Variants in COMMD10 observed in about 807,000 individuals in gnomAD.
The protein encoded by COMMD10 is COMM domain-containing protein 10.
In COMMD10, 33 loss-of-function variants were observed where a neutral mutation model predicts 28.9. That is an observed-to-expected ratio of 1.14 (90% CI 0.87 to 1.53). The LOEUF is 1.53. Ranked by LOEUF, COMMD10 falls within the 40% of genes most tolerant of loss-of-function variation. The pLI is 0.00. For missense variants in COMMD10, 310 were observed against 233.4 expected (o/e 1.33, Z -2.14); for synonymous variants, 110 against 81.7 (o/e 1.35, Z -1.87).
chr5:116,253,641 T>C (rs1297834428), intron 5 of COMMD10, among the ~76,000 whole-genome samples: 9 of 144,586 alleles, frequency 6.2e-5, no homozygotes, highest in African/African-American at 1.3e-4. Flanking sequence ...ATCCCAGGGA[T>C]GAAGCCCACT....
chr5:116,131,745 C>G (rs893022333), intron 4 of COMMD10, among the ~76,000 whole-genome samples: 1 of 151,776 alleles, frequency 6.6e-6, no homozygotes, highest in African/African-American at 2.4e-5. Flanking sequence ...TTGCAATACA[C>G]TGATCTAAAT....
chr5:116,277,852 G>T (rs572721095), intron 5 of COMMD10, among the ~76,000 whole-genome samples: 1 of 151,772 alleles, frequency 6.6e-6, no homozygotes, highest in Non-Finnish European at 1.5e-5. Flanking sequence ...ATTACATTAG[G>T]TTATTTCATT....
chr5:116,276,034 C>A (rs1317522908), intron 5 of COMMD10, among the ~76,000 whole-genome samples: 1 of 150,948 alleles, frequency 6.6e-6, no homozygotes, highest in Non-Finnish European at 1.5e-5. Context: ...GTAAAATGAT[C>A]GTAAGTACTA....
chr5:116,113,547 T>A (rs1245207350), intron 4 of COMMD10, among the ~76,000 whole-genome samples: 1 of 151,948 alleles, frequency 6.6e-6, no homozygotes, highest in Non-Finnish European at 1.5e-5. Flanking sequence ...TGTCTTCATG[T>A]TCTGAAATCT....
At chr5:116,265,985 G>A (rs570796841) in intron 5 of COMMD10, among the ~76,000 whole-genome samples, 3 of 151,922 alleles carry the variant, frequency 2.0e-5, no homozygotes, top group South Asian at 2.1e-4. Flanking sequence ...GTTAGGTGCT[G>A]CATTACTGGC....
chr5:116,185,418 A>G (rs1253444724), intron 5 of COMMD10, among the ~76,000 whole-genome samples: 1 of 152,130 alleles, frequency 6.6e-6, no homozygotes, highest in Non-Finnish European at 1.5e-5. Flanking sequence ...TGATTGAACA[A>G]AGGGGTCTGT....
chr5:116,088,201 A>G (rs567660437), intron 2 of COMMD10, among the ~76,000 whole-genome samples: 1 of 152,202 alleles, frequency 6.6e-6, no homozygotes, highest in Non-Finnish European at 1.5e-5. Flanking sequence ...GTGCAGTGCC[A>G]TGTATCACCA....
chr5:116,247,863 C>A (rs1749994071), intron 5 of COMMD10, among the ~76,000 whole-genome samples: 4 of 151,674 alleles, frequency 2.6e-5, no homozygotes, highest in Admixed American at 2.6e-4. Flanking sequence ...CTAATGGATA[C>A]TAGGCTTAAT....
At chr5:116,129,773 T>A (rs920472499) in intron 4 of COMMD10, among the ~76,000 whole-genome samples, 1 of 93,808 alleles carries the variant, frequency 1.1e-5, no homozygotes, top group Non-Finnish European at 2.8e-5. Context: ...CTATATAATA[T>A]ACATTAGTAT....
At chr5:116,227,094 C>T (rs934281139) in intron 5 of COMMD10, among the ~76,000 whole-genome samples, 1 of 152,002 alleles carries the variant, frequency 6.6e-6, no homozygotes, top group East Asian at 1.9e-4. Flanking sequence ...AAAGCAGGGT[C>T]TGTATCTATC....
chr5:116,159,462 A>G lies in COMMD10; in HGVS notation c.510+25284A>G, dbSNP rs77272278. ...AGGCCTTTCCTGAACATACATTGCA[A>G]ATACTTGCAGTGTCCCTCCTGTCAC... On this transcript the variant is annotated intron_variant, in intron 5 of 6. Coordinates refer to ENST00000274458, the MANE Select transcript of COMMD10 (RefSeq NM_016144.4). Among the ~76,000 whole-genome samples, 870 of 152,324 alleles carry G rather than the reference A, an allele frequency of 5.7e-3. 4 individuals carry two copies. Among genetic ancestry groups the G allele is most frequent in the Middle Eastern group, 0.024 (7 of 294 alleles).
rs150987850 is a variant in COMMD10 at position 116,271,259 on chromosome 5, T to A, written c.511-20258T>A. 8.6e-3 allele frequency among the ~76,000 whole-genome samples: 1,245 copies of A among 145,440 alleles called. 51 individuals carry two copies. The highest frequency in any genetic ancestry group is 0.029 in the African/African-American group (1,157 of 39,278). Reference sequence around the variant, plus strand: ...TGATAGTAAAAACAATTTTTTTTCCTGTTTAAGCATTTTTATCTTTTTAAA... The same window carrying A: ...TGATAGTAAAAACAATTTTTTTTCCAGTTTAAGCATTTTTATCTTTTTAAA... On this transcript the variant is annotated intron_variant, in intron 5 of 6. Transcript: ENST00000274458.
chr5:116,133,473 G>A (rs1022770904), intron 4 of COMMD10, among the ~76,000 whole-genome samples: 1 of 152,164 alleles, frequency 6.6e-6, no homozygotes, highest in African/African-American at 2.4e-5. Flanking sequence ...AAGTATGATA[G>A]TCTGTTGCGT....
At chr5:116,253,871 G>T (rs1393953183) in intron 5 of COMMD10, among the ~76,000 whole-genome samples, 1 of 149,430 alleles carries the variant, frequency 6.7e-6, no homozygotes, top group African/African-American at 2.5e-5. Flanking sequence ...CAGAAGGAAT[G>T]GTACTAGTTC....
intron 5 of COMMD10, among the ~76,000 whole-genome samples, chr5:116,167,159 A>G (rs1056787337): frequency 1.3e-5 from 2 of 152,028 alleles, no homozygotes; most frequent in Non-Finnish European, 2.9e-5. Context: ...AACATAAATG[A>G]GCTGATGGAG....
At chr5:116,117,946 A>G (rs1287065119) in intron 4 of COMMD10, among the ~76,000 whole-genome samples, 2 of 152,110 alleles carry the variant, frequency 1.3e-5, no homozygotes, top group African/African-American at 2.4e-5. Flanking sequence ...ACCCCACTCC[A>G]TTTCCATTTT....
chr5:116,109,504 G>T (rs573006908), intron 4 of COMMD10, among the ~76,000 whole-genome samples: 1 of 152,300 alleles, frequency 6.6e-6, no homozygotes, highest in South Asian at 2.1e-4. Context: ...TGAGGCCTGA[G>T]AATTGCTTGA....
chr5:116,134,976 G>T (rs1213384154), intron 5 of COMMD10, among the ~76,000 whole-genome samples: 1 of 152,046 alleles, frequency 6.6e-6, no homozygotes. Flanking sequence ...AGAACAACTT[G>T]AACGTGATTA....
intron 5 of COMMD10, among the ~76,000 whole-genome samples, chr5:116,211,261 G>T (rs1013789260): frequency 5.9e-5 from 9 of 152,056 alleles, no homozygotes; most frequent in African/African-American, 2.2e-4. Flanking sequence ...TCTGATCCCT[G>T]TGCAAACATC....
Sources: gnomAD v4.1 joint callset for allele counts (sites outside exome capture counted in the v4.1 genomes callset) on GRCh38, gnomAD v4.1.1 for gene constraint, MANE v1.5 for transcripts, NCBI Gene and HGNC (gene_info 2026-07-23, HGNC 2026-07-21) for gene names.